Variants in TMEM108 observed in about 807,000 individuals in gnomAD.
TMEM108 encodes transmembrane protein 108, also known as cancer/testis antigen 124.
In TMEM108, 12 loss-of-function variants were observed where a neutral mutation model predicts 35.1. The ratio of observed to expected loss-of-function variants is 0.34; its 90% CI spans 0.22 to 0.55. The LOEUF is 0.55. Among genes scored for constraint, TMEM108 ranks in the 20% least tolerant of loss-of-function variants. The probability of loss-of-function intolerance (pLI) is 0.89; values close to 1 mark genes in which losing one functional copy is unlikely to be tolerated. For synonymous variants in TMEM108, 287 were observed against 308.6 expected (o/e 0.93, Z 0.73); for missense variants, 680 against 753.3 (o/e 0.90, Z 1.14).
At chr3:133,336,259 G>A (rs532521578) in intron 3 of TMEM108, among the ~76,000 whole-genome samples, 6 of 152,076 alleles carry the variant, frequency 3.9e-5, no homozygotes, top group African/African-American at 1.4e-4. Context: ...CCAACCTAAG[G>A]GTTGGAGATT....
chr3:133,336,212 T>G (rs1031365355), intron 3 of TMEM108, among the ~76,000 whole-genome samples: 1 of 152,126 alleles, frequency 6.6e-6, no homozygotes, highest in African/African-American at 2.4e-5. Context: ...CATGACCTAC[T>G]GAGACACCAG....
chr3:133,297,442 A>C (rs982774214), intron 3 of TMEM108, among the ~76,000 whole-genome samples: 1 of 152,206 alleles, frequency 6.6e-6, no homozygotes, highest in Non-Finnish European at 1.5e-5. Context: ...AAGTGATTGA[A>C]AGAAGAAAGA....
chr3:133,157,688 G>A (rs1050009729), intron 2 of TMEM108, among the ~76,000 whole-genome samples: 3 of 152,122 alleles, frequency 2.0e-5, no homozygotes, highest in Non-Finnish European at 4.4e-5. Flanking sequence ...CTTGGAGGGT[G>A]CCTAAAACAG....
chr3:133,339,755 C>A (rs2071607119), intron 3 of TMEM108, among the ~76,000 whole-genome samples: 1 of 151,778 alleles, frequency 6.6e-6, no homozygotes, highest in Non-Finnish European at 1.5e-5. Flanking sequence ...CAAGTATATT[C>A]TCTGACCACA....
rs763702548 is a variant in TMEM108 at position 133,390,343 on chromosome 3, C to G, written c.1605+9C>G. 6.2e-7 allele frequency: 1 copy of G among 1,613,660 alleles called. No homozygotes were observed. The stretch of plus-strand genomic sequence containing the variant: ...CCCTTGAAACCTCTGAGGTAATGAG[C>G]TTGAAAGTGCTGGCCCCACTGCAGG... On this transcript the variant is annotated intron_variant, in intron 5 of 5. Transcript: ENST00000321871.
chr3:133,370,840 C>T (rs978284162), intron 3 of TMEM108, among the ~76,000 whole-genome samples: 1 of 149,976 alleles, frequency 6.7e-6, no homozygotes, highest in African/African-American at 2.5e-5. Flanking sequence ...TAACAGCCTC[C>T]AGCTTTATTC....
At chr3:133,091,173 C>T (rs1943942905) in intron 2 of TMEM108, among the ~76,000 whole-genome samples, 1 of 152,132 alleles carries the variant, frequency 6.6e-6, no homozygotes, top group Non-Finnish European at 1.5e-5. Flanking sequence ...TTAGATAAAA[C>T]ATGGTATCTT....
chr3:133,358,420 T>G (rs988631156), intron 3 of TMEM108, among the ~76,000 whole-genome samples: 2 of 152,182 alleles, frequency 1.3e-5, no homozygotes, highest in African/African-American at 4.8e-5. Context: ...TCCACCCACC[T>G]TAGCCTCCCA....
chr3:133,224,948 A>G (rs781740172), intron 2 of TMEM108, among the ~76,000 whole-genome samples: 10 of 151,844 alleles, frequency 6.6e-5, no homozygotes, highest in African/African-American at 2.4e-4. Context: ...TCCTGTCTCA[A>G]TATTTCTTGT....
At chr3:133,063,806 A>G (rs535588773) in intron 2 of TMEM108, among the ~76,000 whole-genome samples, 1 of 152,186 alleles carries the variant, frequency 6.6e-6, no homozygotes, top group South Asian at 2.1e-4. Flanking sequence ...TACAGAGCAC[A>G]TAGGGCCCCC....
intron 2 of TMEM108, among the ~76,000 whole-genome samples, chr3:133,087,553 G>A (rs961855955): frequency 6.6e-6 from 1 of 152,104 alleles, no homozygotes; most frequent in Non-Finnish European, 1.5e-5. Flanking sequence ...TGAAACTGTG[G>A]CATTGTGACA....
intron 2 of TMEM108, among the ~76,000 whole-genome samples, chr3:133,120,374 G>A (rs1488193525): frequency 2.6e-5 from 4 of 152,222 alleles, no homozygotes; most frequent in Admixed American, 2.6e-4. Context: ...AGAGGTCAGA[G>A]GAAGTGTGTG....
chr3:133,206,960 C>T (rs564757177), intron 2 of TMEM108, among the ~76,000 whole-genome samples: 2 of 152,310 alleles, frequency 1.3e-5, no homozygotes, highest in African/African-American at 4.8e-5. Flanking sequence ...TCTATAAGTT[C>T]CTGACTGGAT....
chr3:133,226,692 G>C (rs932632088), intron 2 of TMEM108, among the ~76,000 whole-genome samples: 1 of 152,054 alleles, frequency 6.6e-6, no homozygotes, highest in African/African-American at 2.4e-5. Context: ...CAGTCAGTTG[G>C]GGTGCTTAGA....
At chr3:133,350,814 A>G (rs114922409) in intron 3 of TMEM108, among the ~76,000 whole-genome samples, 6,560 of 152,168 alleles carry the variant, frequency 0.043, 451 homozygotes, top group African/African-American at 0.14. Context: ...TGTATACAAA[A>G]ATAGGGTGTA....
At chr3:133,124,267 A>G (rs573202893) in intron 2 of TMEM108, among the ~76,000 whole-genome samples, 2 of 152,224 alleles carry the variant, frequency 1.3e-5, no homozygotes, top group Non-Finnish European at 2.9e-5. Flanking sequence ...GTAAGTTAAA[A>G]CAGCTGGTTT....
At chr3:133,267,607 C>G (rs559179356) in intron 3 of TMEM108, among the ~76,000 whole-genome samples, 5 of 152,308 alleles carry the variant, frequency 3.3e-5, no homozygotes, top group African/African-American at 1.2e-4. Context: ...TTCCATAGAT[C>G]AGAAATTCAG....
At chr3:133,220,692 A>G (rs1429688682) in intron 2 of TMEM108, among the ~76,000 whole-genome samples, 1 of 152,158 alleles carries the variant, frequency 6.6e-6, no homozygotes, top group Non-Finnish European at 1.5e-5. Context: ...CCAGCTGAGT[A>G]TCCTATAATT....
chr3:133,040,014 C>T (rs1005811031), intron 1 of TMEM108, among the ~76,000 whole-genome samples: 2 of 152,068 alleles, frequency 1.3e-5, no homozygotes, highest in Admixed American at 1.3e-4. Context: ...TTATCAGCCA[C>T]CGGAAATCAA....
Sources: allele counts gnomAD v4.1 joint callset (sites outside exome capture counted in the v4.1 genomes callset), GRCh38; gene constraint gnomAD v4.1.1; transcripts MANE v1.5; gene names NCBI Gene and HGNC (gene_info 2026-07-23, HGNC 2026-07-21).